Variants in PRKN observed in about 807,000 individuals in gnomAD.
PRKN encodes E3 ubiquitin-protein ligase parkin.
A neutral mutation model predicts 59.5 loss-of-function variants in PRKN; 56 were observed. The observed-to-expected ratio is 0.94, with a 90% CI of 0.76 to 1.18. PRKN has a LOEUF of 1.18. PRKN is among the 50% of genes most tolerant of loss of function. PRKN has a pLI of 0.00. For synonymous variants in PRKN, 250 were observed against 222.1 expected, an observed-to-expected ratio of 1.13 and a Z score of -1.12; for missense variants, 657 against 596.4, an observed-to-expected ratio of 1.10 and a Z score of -1.06.
At chr6:162,526,486 C>T (rs1363241463) in intron 1 of PRKN, among the ~76,000 whole-genome samples, 1 of 151,758 alleles carries the variant, frequency 6.6e-6, no homozygotes, top group Non-Finnish European at 1.5e-5. Context: ...CCCATCTCTA[C>T]TAAAAATACA....
At chr6:162,466,425 G>A (rs1240117026) in intron 1 of PRKN, among the ~76,000 whole-genome samples, 2 of 152,080 alleles carry the variant, frequency 1.3e-5, no homozygotes, top group East Asian at 1.9e-4. Flanking sequence ...GTGGGGCAGG[G>A]TATCGCTCTG....
chr6:161,441,234 C>T (rs765415710), intron 9 of PRKN, among the ~76,000 whole-genome samples: 4 of 152,192 alleles, frequency 2.6e-5, no homozygotes, highest in Non-Finnish European at 5.9e-5. Flanking sequence ...GGTGCTCAGC[C>T]ATCACTGCTC....
At position 161,572,009 on chromosome 6, in the gene PRKN, T is replaced by C. The variant is rs149231951; in HGVS notation, c.872-2593A>G. Among the ~76,000 whole-genome samples the C allele has an allele frequency of 1.3e-3, 204 of 152,292 alleles. 4 individuals carry two copies. Among genetic ancestry groups the C allele is most frequent in the Admixed American group, 0.012 (190 of 15,302 alleles). On this transcript the variant is annotated intron_variant, in intron 7 of 11. Coordinates refer to ENST00000366898, the MANE Select transcript of PRKN (RefSeq NM_004562.3). ...TCAGGCCTTCAGACACAGACTGAAT[T>C]AGACCAAAGGCTTTCCTGGTTTTCC...
chr6:162,006,261 C>T (rs1240585064), intron 5 of PRKN, among the ~76,000 whole-genome samples: 2 of 152,136 alleles, frequency 1.3e-5, no homozygotes, highest in Non-Finnish European at 2.9e-5. Context: ...AGTTCCAATT[C>T]AATTTCCATT....
At chr6:162,519,099 G>C (rs551254467) in intron 1 of PRKN, among the ~76,000 whole-genome samples, 2 of 152,160 alleles carry the variant, frequency 1.3e-5, no homozygotes, top group Middle Eastern at 3.4e-3. Flanking sequence ...GAACCCGGGA[G>C]GCGGAAGTTG....
At chr6:161,934,317 GA>G (rs1779276634) in intron 6 of PRKN, among the ~76,000 whole-genome samples, 1 of 152,114 alleles carries the variant, frequency 6.6e-6, no homozygotes. Context: ...TTTCTTTTAT[GA>G]ATTACCCAGT....
rs930985694 is a variant in PRKN at position 161,502,607 on chromosome 6, A to T, written c.1083+46247T>A. Among the ~76,000 whole-genome samples, 3 of 152,182 alleles carry T rather than the reference A, an allele frequency of 2.0e-5. No homozygotes were observed. The highest frequency in any genetic ancestry group is 7.2e-5 in the African/African-American group (3 of 41,438). On this transcript the variant is annotated intron_variant, in intron 9 of 11. Coordinates refer to ENST00000366898, the MANE Select transcript of PRKN (RefSeq NM_004562.3). This position sits in a 1 kb window ranked among gnomAD's most constrained non-coding sequence, Gnocchi z 4.0. ...GAGGATAGTAAGAGTATCCTGAAGG[A>T]GGGGACCAGTAACAAGCAGGGAAGA...
intron 2 of PRKN, among the ~76,000 whole-genome samples, chr6:162,314,319 G>C (rs1470982864): frequency 6.6e-6 from 1 of 152,156 alleles, no homozygotes; most frequent in Non-Finnish European, 1.5e-5. Context: ...GGACTACATA[G>C]AGGCCAGCTG....
At chr6:162,022,024 A>T (rs570536107) in intron 5 of PRKN, among the ~76,000 whole-genome samples, 1 of 152,006 alleles carries the variant, frequency 6.6e-6, no homozygotes, top group Non-Finnish European at 1.5e-5. Flanking sequence ...AAAGGACAGG[A>T]TTTTGATCTT....
At chr6:162,263,228 C>A in intron 2 of PRKN, 1 of 211,710 alleles carries the variant, frequency 4.7e-6, no homozygotes, top group South Asian at 7.4e-5. Context: ...TATAGGCGGG[C>A]ACCACCACAC....
rs563596228 is a variant in PRKN, at chr6:161,407,867, C to T, written c.1084-20990G>A. On this transcript the variant is annotated intron_variant, in intron 9 of 11. Transcript: ENST00000366898. The surrounding 1 kb of genome is among the most constrained non-coding windows in gnomAD (Gnocchi z 4.9). The stretch of plus-strand genomic sequence containing the variant: ...GACAATGAGTCTTATGATCTCCCCA[C>T]CATGCACCTTGTAATCCCCTCCTCT... Among the ~76,000 whole-genome samples, 3 of 152,294 alleles carry T rather than the reference C, an allele frequency of 2.0e-5. No individual in the cohort carries two copies. Among genetic ancestry groups the T allele is most frequent in the East Asian group, 3.9e-4 (2 of 5,180 alleles).
rs1208555643 is a variant in PRKN at position 161,361,997 on chromosome 6, C to A, written c.1168-1792G>T. Among the ~76,000 whole-genome samples, 3 of 152,306 alleles carry A rather than the reference C, an allele frequency of 2.0e-5. No homozygotes were observed. The highest frequency in any genetic ancestry group is 4.4e-5 in the Non-Finnish European group (3 of 68,030). On this transcript the variant is annotated intron_variant, in intron 10 of 11. Coordinates refer to ENST00000366898, the MANE Select transcript of PRKN (RefSeq NM_004562.3). This position sits in a 1 kb window ranked among gnomAD's most constrained non-coding sequence, Gnocchi z 5.2. ...CCCACCGACCTGCACCCCAACGCCA[C>A]CCCGGCCTCATGTTCCACGCTGTTC...
intron 2 of PRKN, among the ~76,000 whole-genome samples, chr6:162,287,725 A>C (rs933947953): frequency 6.6e-6 from 1 of 152,214 alleles, no homozygotes; most frequent in Non-Finnish European, 1.5e-5. Context: ...ATTAACTGGG[A>C]GGGTTACATT....
At position 161,576,699 on chromosome 6, in the gene PRKN, G is replaced by C. The variant is rs556875850; in HGVS notation, c.872-7283C>G. Among the ~76,000 whole-genome samples, 5 of 152,268 alleles carry C rather than the reference G, an allele frequency of 3.3e-5. No homozygotes were observed. The highest frequency in any genetic ancestry group is 1.2e-4 in the African/African-American group (5 of 41,566). On this transcript the variant is annotated intron_variant, in intron 7 of 11. Coordinates refer to ENST00000366898, the MANE Select transcript of PRKN (RefSeq NM_004562.3). The surrounding 1 kb of genome is among the most constrained non-coding windows in gnomAD (Gnocchi z 4.6). ...AGGTAAATGAAGTAACATTTTGGAT[G>C]GTCATTAGCACTGTGTGGAAAAGAG...
At chr6:161,424,027 G>T (rs1286159285) in intron 9 of PRKN, among the ~76,000 whole-genome samples, 2 of 152,072 alleles carry the variant, frequency 1.3e-5, no homozygotes, top group South Asian at 2.1e-4. Flanking sequence ...ATAAATTGAG[G>T]CATATTAATA....
chr6:161,555,225 GTAATTTCCTAA>G (rs1012298428), intron 8 of PRKN, among the ~76,000 whole-genome samples: 12 of 151,890 alleles, frequency 7.9e-5, no homozygotes, highest in African/African-American at 1.9e-4. Context: ...ATGTATTTGT[GTAATTTCCTAA>G]TAATTTCCTA....
chr6:162,711,007 G>A (rs550620986), intron 1 of PRKN, among the ~76,000 whole-genome samples: 19 of 152,256 alleles, frequency 1.2e-4, no homozygotes, highest in African/African-American at 2.2e-4. Context: ...CTCCACTACT[G>A]GAAACAGAGC....
At chr6:162,429,120 A>T (rs1174913274) in intron 2 of PRKN, among the ~76,000 whole-genome samples, 3 of 152,210 alleles carry the variant, frequency 2.0e-5, no homozygotes, top group Non-Finnish European at 4.4e-5. Flanking sequence ...CGGAATACTG[A>T]CTACAGAAGT....
At chr6:162,552,637 C>A (rs539418223) in intron 1 of PRKN, among the ~76,000 whole-genome samples, 1 of 152,070 alleles carries the variant, frequency 6.6e-6, no homozygotes, top group Admixed American at 6.6e-5. Context: ...TGAGAAACAT[C>A]CGCGTGGAGT....
Sources: allele counts gnomAD v4.1 joint callset (sites outside exome capture counted in the v4.1 genomes callset), GRCh38; gene constraint gnomAD v4.1.1; non-coding constraint Gnocchi (gnomAD v3.1); transcripts MANE v1.5; gene names NCBI Gene and HGNC (gene_info 2026-07-23, HGNC 2026-07-21).